Variants in SPACA9 observed in about 807,000 individuals in gnomAD.
SPACA9 encodes the protein sperm acrosome-associated protein 9.
In SPACA9, 14 loss-of-function variants were observed where a neutral mutation model predicts 12.5. That is an observed-to-expected ratio of 1.12 (90% CI 0.74 to 1.75). The LOEUF is 1.75. Among genes scored for constraint, SPACA9 ranks in the 40% most tolerant of loss-of-function variants. The pLI is 0.00. For synonymous variants in SPACA9, 111 were observed against 114.1 expected (o/e 0.97, Z 0.17); for missense variants, 292 against 291.9 (o/e 1.00, Z 0.00).
chr9:132,890,055 G>C (rs1172317956), downstream of SPACA9: 3 of 1,353,138 alleles, frequency 2.2e-6, no homozygotes, highest in Non-Finnish European at 2.9e-6. Flanking sequence ...GGTTTCCTGG[G>C]ATTTATCCCT....
In SPACA9 at chr9:132,888,237, G is replaced by C. The variant is rs564930203; in HGVS notation, c.348-53G>C. ...CTGAGGTGTGGCAGCTGCTTGCCACGGCATGGCAAGTCCCGGGAGCATGGG... is the reference window on the plus strand; with the variant it reads ...CTGAGGTGTGGCAGCTGCTTGCCACCGCATGGCAAGTCCCGGGAGCATGGG... On this transcript the variant is annotated intron_variant, in intron 3 of 3. Transcript: ENST00000356311. The surrounding 1 kb of genome is among the most constrained non-coding windows in gnomAD (Gnocchi z 5.0). 17 of 1,553,600 alleles carry C rather than the reference G, an allele frequency of 1.1e-5. No homozygotes were observed. Among genetic ancestry groups the C allele is most frequent in the Non-Finnish European group, 1.5e-5 (17 of 1,148,454 alleles).
chr9:132,889,781 C>T lies in SPACA9; in HGVS notation c.*1170C>T. Reference sequence around the variant, plus strand: ...GGGGAATAAACTCACCTTTCCTTCGCCTTTACTTGGGAGAGGGAGACCATG... The same window carrying T: ...GGGGAATAAACTCACCTTTCCTTCGTCTTTACTTGGGAGAGGGAGACCATG... On this transcript the variant is annotated 3_prime_UTR_variant, in exon 4 of 4. Transcript: ENST00000356311. The T allele has an allele frequency of 7.7e-7, 1 of 1,306,044 alleles. No individual in the cohort carries two copies. The highest frequency in any genetic ancestry group is 2.9e-5 in the East Asian group (1 of 34,290). The allele number at this position is 1,306,044 out of a possible 1,614,324, so 80.9% of individuals were successfully genotyped here.
upstream of SPACA9, chr9:132,878,371 C>T (rs993289573): frequency 1.6e-5 from 20 of 1,249,988 alleles, no homozygotes; most frequent in Non-Finnish European, 2.0e-5. This position sits in a 1 kb window ranked among gnomAD's most constrained non-coding sequence, Gnocchi z 4.7. Flanking sequence ...GGCCCAGATA[C>T]CCGATCCTCG....
At chr9:132,890,198 C>T, downstream of SPACA9, 1 of 353,210 alleles carries the variant, frequency 2.8e-6, no homozygotes, top group East Asian at 4.3e-5. Context: ...GGCTCATGCC[C>T]AAGCTCCAGA....
At chr9:132,883,298 A>C (rs969526146) in intron 1 of SPACA9, among the ~76,000 whole-genome samples, 2 of 152,256 alleles carry the variant, frequency 1.3e-5, no homozygotes, top group Non-Finnish European at 2.9e-5. Context: ...CAGAGCAGGC[A>C]GACTTACATC....
chr9:132,883,787 C>T (rs1465643539), intron 1 of SPACA9, 124 bp from the exon 2 acceptor site: 4 of 708,648 alleles, frequency 5.6e-6, no homozygotes, highest in Admixed American at 4.9e-5. Context: ...TGTGGGGAGG[C>T]ACTCACAAGG....
chr9:132,881,197 G>A (rs533079524), intron 1 of SPACA9, among the ~76,000 whole-genome samples: 20 of 150,796 alleles, frequency 1.3e-4, no homozygotes, highest in Admixed American at 1.3e-3. Context: ...AGGCTGAGGT[G>A]GGAGGATCGC....
chr9:132,885,625 G>A (rs757108878), intron 2 of SPACA9, among the ~76,000 whole-genome samples: 3 of 151,424 alleles, frequency 2.0e-5, no homozygotes, highest in Non-Finnish European at 4.4e-5. Context: ...ATTTGCCCAC[G>A]CATGCAGCCC....
intron 1 of SPACA9, 86 bp from the exon 2 acceptor site, chr9:132,883,825 C>T: frequency 9.4e-7 from 1 of 1,068,184 alleles, no homozygotes; most frequent in Non-Finnish European, 1.4e-6. Context: ...CCATGGGTAT[C>T]CCTCTCCCCT....
At position 132,888,401 on chromosome 9, in the gene SPACA9, C is replaced by T; in HGVS notation, c.459C>T (p.Ala153=). ...TAGACTTAATGAAAGAATGGATCGC[C>T]CACTCCGAGAAGTTGCCGCGCAAGG... ...LILDLMKEWI[A]HSEKLPRKVL... Residue 153 remains alanine (A), a synonymous_variant, in exon 4 of 4, where the codon GCC becomes GCT. Transcript: ENST00000356311. This position sits in a 1 kb window ranked among gnomAD's most constrained non-coding sequence, Gnocchi z 5.0. 2 of 1,614,036 alleles carry T rather than the reference C, an allele frequency of 1.2e-6. No individual in the cohort carries two copies. The highest frequency in any genetic ancestry group is 1.7e-6 in the Non-Finnish European group (2 of 1,180,040).
At chr9:132,881,205 C>T (rs1481533907) in intron 1 of SPACA9, among the ~76,000 whole-genome samples, 3 of 145,054 alleles carry the variant, frequency 2.1e-5, no homozygotes, top group African/African-American at 5.1e-5. Flanking sequence ...GTGGGAGGAT[C>T]GCTGGAGCCC....
chr9:132,888,249 C>A lies in SPACA9; in HGVS notation c.348-41C>A. ...AGCTGCTTGCCACGGCATGGCAAGTCCCGGGAGCATGGGTTCACCTGGCCC... is the reference window on the plus strand; with the variant it reads ...AGCTGCTTGCCACGGCATGGCAAGTACCGGGAGCATGGGTTCACCTGGCCC... On this transcript the variant is annotated intron_variant, in intron 3 of 3. Coordinates refer to ENST00000356311, the MANE Select transcript of SPACA9 (RefSeq NM_001316897.2). The surrounding 1 kb of genome is among the most constrained non-coding windows in gnomAD (Gnocchi z 5.0). 6.4e-7 allele frequency: 1 copy of A among 1,563,550 alleles called. No individual in the cohort carries two copies. The highest frequency in any genetic ancestry group is 1.2e-5 in the South Asian group (1 of 82,356).
upstream of SPACA9, chr9:132,878,677 G>A (rs1844273524): frequency 1.0e-6 from 1 of 994,764 alleles, no homozygotes; most frequent in Non-Finnish European, 1.2e-6. The surrounding 1 kb of genome is among the most constrained non-coding windows in gnomAD (Gnocchi z 4.7). Context: ...GGGAATAAAT[G>A]TGGGGGAGGG....
chr9:132,887,678 C>CTATTAGA lies in SPACA9; in HGVS notation c.347+107_347+108insTATTAGA, dbSNP rs1844608489. ...ATCATGGTGCTCCTATTAGACCACC[C>CTATTAGA]CGGGCAGGAAATCCCAGTCTCCACT... On this transcript the variant is annotated intron_variant, in intron 3 of 3. Transcript: ENST00000356311. The surrounding 1 kb of genome is among the most constrained non-coding windows in gnomAD (Gnocchi z 5.4). The CTATTAGA allele has an allele frequency of 1.0e-5, 9 of 898,938 alleles. No homozygotes were observed. Among genetic ancestry groups the CTATTAGA allele is most frequent in the African/African-American group, 1.7e-5 (1 of 60,188 alleles). 55.7% of individuals were successfully genotyped at this position (898,938 alleles called of 1,614,324 possible).
intron 1 of SPACA9, among the ~76,000 whole-genome samples, chr9:132,882,842 C>CT (rs1260886687): frequency 6.6e-6 from 1 of 152,106 alleles, no homozygotes; most frequent in Non-Finnish European, 1.5e-5. Context: ...TGTGGCAGCA[C>CT]TGACGATGCT....
In SPACA9 at chr9:132,888,484, G is replaced by T; in HGVS notation, c.542G>T (p.Arg181Leu). 1 of 1,606,408 alleles carries T rather than the reference G, an allele frequency of 6.2e-7. No homozygotes were observed. Among genetic ancestry groups the T allele is most frequent in the Non-Finnish European group, 8.5e-7 (1 of 1,176,964 alleles). The change falls in exon 4 of 4, where the codon CGT becomes CTT. Residue 181 changes from arginine to leucine, a missense_variant. Arg to Leu is a moderately radical substitution (Grantham distance 102). Transcript: ENST00000356311. This position sits in a 1 kb window ranked among gnomAD's most constrained non-coding sequence, Gnocchi z 5.0. ...CAGGAGAGCACCAGGGGAGCCGCTC[G>T]TCCTGCCCAGGCCATAGGGACCCAG... ...AHQESTRGAA[R>L]PAQAIGTQPR...
intron 1 of SPACA9, among the ~76,000 whole-genome samples, chr9:132,881,758 T>C (rs374115793): frequency 6.6e-6 from 1 of 150,560 alleles, no homozygotes; most frequent in South Asian, 2.1e-4. Flanking sequence ...ACCTCCTGGG[T>C]TCAAGCGATC....
rs145105181 is a variant in SPACA9 at position 132,888,419 on chromosome 9, G to A, written c.477G>A (p.Pro159=). 1.4e-3 allele frequency: 2,327 copies of A among 1,613,850 alleles called. No homozygotes were observed. Among genetic ancestry groups the A allele is most frequent in the Non-Finnish European group, 1.8e-3 (2,118 of 1,180,000 alleles). ...KEWIAHSEKL[P]RKVLQHVSEP... is the part of the protein sequence containing the mutation. ...GGATCGCCCACTCCGAGAAGTTGCC[G>A]CGCAAGGTGCTGCAGCACGTGAGTG... The change falls in exon 4 of 4, where the codon CCG becomes CCA. Residue 159 remains proline, a synonymous_variant. Coordinates refer to ENST00000356311, the MANE Select transcript of SPACA9 (RefSeq NM_001316897.2). The surrounding 1 kb of genome is among the most constrained non-coding windows in gnomAD (Gnocchi z 5.0).
At chr9:132,879,165 G>C (rs146146761) in intron 1 of SPACA9, among the ~76,000 whole-genome samples, 151 bp downstream of exon 1, 165 of 152,370 alleles carry the variant, frequency 1.1e-3, no homozygotes, top group Admixed American at 2.5e-3. Context: ...CGAGGGGAAG[G>C]TTCGCGCTGG....
Sources: allele counts gnomAD v4.1 joint callset (sites outside exome capture counted in the v4.1 genomes callset), GRCh38; gene constraint gnomAD v4.1.1; non-coding constraint Gnocchi (gnomAD v3.1); transcripts MANE v1.5; gene names NCBI Gene and HGNC (gene_info 2026-07-23, HGNC 2026-07-21).